The following ZNF536 variants were observed in gnomAD, a reference collection of about 807,000 sequenced individuals.
ZNF536 encodes zinc finger protein 536.
ZNF536 carries 13 observed loss-of-function variants against 84.5 expected under a neutral mutation model. The observed-to-expected ratio is 0.15, with a 90% confidence interval of 0.10 to 0.24. The LOEUF is 0.24. Among genes scored for constraint, ZNF536 ranks in the 10% least tolerant of loss-of-function variants. ZNF536 has a pLI of 1.00. For missense variants in ZNF536, 1,536 were observed against 1,747.5 expected (o/e 0.88, Z 2.16); for synonymous variants, 811 against 742.5 (o/e 1.09, Z -1.50).
intron 1 of ZNF536, among the ~76,000 whole-genome samples, chr19:30,623,563 C>T (rs1037913943): frequency 7.9e-5 from 12 of 152,232 alleles, no homozygotes; most frequent in African/African-American, 2.7e-4. Flanking sequence ...CTCCCAGGGC[C>T]TTTGCATGGG....
At chr19:30,620,947 A>G (rs903504101) in intron 1 of ZNF536, among the ~76,000 whole-genome samples, 5 of 152,050 alleles carry the variant, frequency 3.3e-5, no homozygotes, top group Non-Finnish European at 7.4e-5. Flanking sequence ...ATTTTTTATA[A>G]TAGTCTTTAT....
chr19:30,680,111 G>A (rs1047467696), intron 1 of ZNF536, among the ~76,000 whole-genome samples: 2 of 152,144 alleles, frequency 1.3e-5, no homozygotes. Flanking sequence ...TGGGTCTGGA[G>A]GCCGGAGATG....
At chr19:30,570,237 C>A (rs2046496539) in intron 1 of ZNF536, among the ~76,000 whole-genome samples, 1 of 152,170 alleles carries the variant, frequency 6.6e-6, no homozygotes, top group African/African-American at 2.4e-5. Context: ...TGGCGTGCCC[C>A]CTGGACACCC....
intron 2 of ZNF536, among the ~76,000 whole-genome samples, chr19:30,321,683 C>G (rs1250619397): frequency 6.6e-6 from 1 of 151,646 alleles, no homozygotes; most frequent in Non-Finnish European, 1.5e-5. Flanking sequence ...ATGCTAACCT[C>G]TAGGTAAACT....
intron 1 of ZNF536, among the ~76,000 whole-genome samples, chr19:30,406,382 T>C (rs1252998309): frequency 2.0e-5 from 3 of 151,938 alleles, no homozygotes; most frequent in Non-Finnish European, 2.9e-5. Context: ...TTTGCCATGG[T>C]CATGGGTTGG....
downstream of ZNF536, among the ~76,000 whole-genome samples, chr19:30,561,367 A>G (rs4805579): frequency 0.52 from 79,659 of 151,966 alleles, 22,480 homozygotes; most frequent in African/African-American, 0.75. Context: ...CAGTGGCCCC[A>G]GTGGATAATT....
intron 1 of ZNF536, among the ~76,000 whole-genome samples, chr19:30,641,223 A>G (rs1241068020): frequency 6.6e-6 from 1 of 152,256 alleles, no homozygotes; most frequent in Non-Finnish European, 1.5e-5. Flanking sequence ...ACTTCTCAAA[A>G]AAGAAATCAA....
At chr19:30,644,186 TG>T (rs1378544525) in intron 1 of ZNF536, among the ~76,000 whole-genome samples, 1 of 152,164 alleles carries the variant, frequency 6.6e-6, no homozygotes, top group African/African-American at 2.4e-5. Flanking sequence ...CAAAACACAG[TG>T]GGGTGCATTT....
At chr19:30,437,217 G>A (rs1427261439) in intron 1 of ZNF536, among the ~76,000 whole-genome samples, 1 of 151,870 alleles carries the variant, frequency 6.6e-6, no homozygotes, top group East Asian at 1.9e-4. Flanking sequence ...ATTTAGACTC[G>A]TAGCAGCTGG....
At chr19:30,238,299 T>C (rs1001421986) in intron 1 of ZNF536, among the ~76,000 whole-genome samples, 6 of 152,098 alleles carry the variant, frequency 3.9e-5, no homozygotes, top group Admixed American at 2.6e-4. Flanking sequence ...AACTATTGGC[T>C]GATTGATTTC....
At chr19:30,471,491 C>A (rs2053632679) in intron 2 of ZNF536, among the ~76,000 whole-genome samples, 1 of 152,198 alleles carries the variant, frequency 6.6e-6, no homozygotes, top group African/African-American at 2.4e-5. Context: ...AGGTCGCAGT[C>A]CCATGAGACT....
At chr19:30,401,777 C>T (rs1032894676) in intron 1 of ZNF536, among the ~76,000 whole-genome samples, 2 of 152,154 alleles carry the variant, frequency 1.3e-5, no homozygotes, top group African/African-American at 2.4e-5. Flanking sequence ...TTTTCTTCTT[C>T]TTCAACAACA....
intron 1 of ZNF536, among the ~76,000 whole-genome samples, chr19:30,575,443 G>C (rs1243344300): frequency 6.6e-6 from 1 of 152,212 alleles, no homozygotes. Flanking sequence ...TGCCCGCCCA[G>C]GTGGCCACCA....
chr19:30,677,431 G>A (rs985396114), intron 1 of ZNF536, among the ~76,000 whole-genome samples: 4 of 152,228 alleles, frequency 2.6e-5, no homozygotes, highest in Admixed American at 1.3e-4. Context: ...CAGTGACAAG[G>A]ACAGGGCCCT....
At chr19:30,283,762 A>G (rs547433976) in intron 1 of ZNF536, among the ~76,000 whole-genome samples, 1 of 149,348 alleles carries the variant, frequency 6.7e-6, no homozygotes, top group Non-Finnish European at 1.5e-5. Context: ...AGAGAGAGAG[A>G]GCCCTTATAA....
chr19:30,450,321 G>GA (rs1452816427), intron 2 of ZNF536, among the ~76,000 whole-genome samples: 2 of 152,118 alleles, frequency 1.3e-5, no homozygotes, highest in African/African-American at 4.8e-5. Context: ...CAGGGGGCTG[G>GA]AGGGGGGGAG....
intron 2 of ZNF536, among the ~76,000 whole-genome samples, chr19:30,456,365 G>A (rs1317719311): frequency 7.1e-6 from 1 of 140,804 alleles, no homozygotes; most frequent in Non-Finnish European, 1.5e-5. Context: ...CGTTTCTGCA[G>A]CATTTGTGAC....
chr19:30,534,798 C>T, intron 2 of ZNF536, 49 bp from the exon 3 acceptor site: 1 of 1,551,638 alleles, frequency 6.4e-7, no homozygotes, highest in South Asian at 1.3e-5. Context: ...GTGCGAACAA[C>T]TCCTGACATG....
At chr19:30,597,165 C>T (rs1174849845) in intron 1 of ZNF536, among the ~76,000 whole-genome samples, 2 of 152,206 alleles carry the variant, frequency 1.3e-5, no homozygotes, top group African/African-American at 4.8e-5. Flanking sequence ...GCATGCATGC[C>T]CAGTTCTCAG....
Sources: gnomAD v4.1 joint callset for allele counts (sites outside exome capture counted in the v4.1 genomes callset) on GRCh38, gnomAD v4.1.1 for gene constraint, MANE v1.5 for transcripts, NCBI Gene and HGNC (gene_info 2026-07-23, HGNC 2026-07-21) for gene names.